DLGAP2: variants seen among roughly 807,000 people sequenced by gnomAD.
DLGAP2 encodes DLG associated protein 2, also known as disks large-associated protein 2.
A neutral mutation model predicts 100.3 loss-of-function variants in DLGAP2; 26 were observed. That is an observed-to-expected ratio of 0.26 (90% CI 0.19 to 0.36). DLGAP2 has a LOEUF of 0.36. DLGAP2 is among the 10% of genes least tolerant of loss of function. DLGAP2 has a pLI of 1.00. For missense variants in DLGAP2, 1,858 were observed against 1,453.2 expected (o/e 1.28, Z -4.53); for synonymous variants, 886 against 630.1 (o/e 1.41, Z -6.08).
At position 1,620,408 on chromosome 8, in the gene DLGAP2, A is replaced by G. The variant is rs184016242; in HGVS notation, c.1443-6332A>G. On this transcript the variant is annotated intron_variant, in intron 6 of 14. Coordinates refer to ENST00000637795, the MANE Select transcript of DLGAP2 (RefSeq NM_001346810.2). ...CTCCTCCACCTTTCTGCTGCGTGAC[A>G]CTCACAGCCCGACGTCTTCCACACT... The G allele has an allele frequency of 1.4e-3, 219 of 152,080 alleles. 3 individuals carry two copies. The highest frequency in any genetic ancestry group is 1.7e-3 in the Non-Finnish European group (118 of 68,100). The allele number at this position is 152,080 out of a possible 1,614,324, so 9.4% of individuals were successfully genotyped here.
chr8:1,150,564 A>T (rs910395845), intron 2 of DLGAP2, among the ~76,000 whole-genome samples: 2 of 152,228 alleles, frequency 1.3e-5, no homozygotes, highest in Admixed American at 6.5e-5. Flanking sequence ...ATTTGTCATC[A>T]TGCCTCATTC....
chr8:1,357,997 A>G (rs1379326409), intron 3 of DLGAP2, among the ~76,000 whole-genome samples: 1 of 152,200 alleles, frequency 6.6e-6, no homozygotes, highest in East Asian at 1.9e-4. Flanking sequence ...GAGCTGTCTC[A>G]GGACTCCTTG....
intron 1 of DLGAP2, among the ~76,000 whole-genome samples, chr8:781,356 T>G (rs1251375847): frequency 6.6e-6 from 1 of 152,228 alleles, no homozygotes; most frequent in Non-Finnish European, 1.5e-5. Flanking sequence ...GAGGTTTGAT[T>G]CCTAAAGCTA....
intron 2 of DLGAP2, among the ~76,000 whole-genome samples, chr8:1,170,721 G>T (rs1306568572): frequency 6.7e-6 from 1 of 149,358 alleles, no homozygotes; most frequent in Non-Finnish European, 1.5e-5. Context: ...TGTGGGATCG[G>T]TGGTGATATC....
At chr8:849,070 A>G (rs1450068298) in intron 1 of DLGAP2, among the ~76,000 whole-genome samples, 2 of 151,746 alleles carry the variant, frequency 1.3e-5, no homozygotes, top group African/African-American at 4.8e-5. Flanking sequence ...TGTCTGTTCC[A>G]GTATAGAATC....
At chr8:883,650 C>T (rs372398792) in intron 1 of DLGAP2, among the ~76,000 whole-genome samples, 3 of 148,216 alleles carry the variant, frequency 2.0e-5, no homozygotes, top group East Asian at 4.1e-4. Flanking sequence ...GGTGCCGCGG[C>T]GGTTCGTTAC....
At chr8:1,218,615 A>C (rs1021026303) in intron 2 of DLGAP2, among the ~76,000 whole-genome samples, 5 of 152,034 alleles carry the variant, frequency 3.3e-5, no homozygotes, top group African/African-American at 1.2e-4. Flanking sequence ...GTGGCTATTC[A>C]GGCTCTTTTT....
At chr8:1,303,669 C>T (rs1800420375) in intron 3 of DLGAP2, among the ~76,000 whole-genome samples, 1 of 152,168 alleles carries the variant, frequency 6.6e-6, no homozygotes, top group African/African-American at 2.4e-5. Context: ...CACTCAGGAG[C>T]CCGCAGGAAG....
intron 2 of DLGAP2, among the ~76,000 whole-genome samples, chr8:980,779 G>C (rs1200458529): frequency 6.6e-6 from 1 of 152,170 alleles, no homozygotes; most frequent in Non-Finnish European, 1.5e-5. Flanking sequence ...GGGCTCGACA[G>C]GTGGCAGCTG....
Position 758,425 on chromosome 8 carries a change from A to G in DLGAP2, c.18+20600A>G, listed in dbSNP as rs912923141. On this transcript the variant is annotated intron_variant, in intron 1 of 14. Transcript: ENST00000637795. ...TATATATTTATAGATATTTTAAATAAAAGTAACATTTGCGTATAGTTTACA... is the reference window on the plus strand; with the variant it reads ...TATATATTTATAGATATTTTAAATAGAAGTAACATTTGCGTATAGTTTACA... Among the ~76,000 whole-genome samples, 109 of 152,326 alleles carry G rather than the reference A, an allele frequency of 7.2e-4. 1 individual carries two copies. The highest frequency in any genetic ancestry group is 2.5e-3 in the African/African-American group (105 of 41,576).
intron 3 of DLGAP2, among the ~76,000 whole-genome samples, chr8:1,364,343 C>G (rs186159819): frequency 6.6e-6 from 1 of 152,166 alleles, no homozygotes; most frequent in South Asian, 2.1e-4. Context: ...AGAATAGGAT[C>G]GTTCTCGTGA....
intron 4 of DLGAP2, among the ~76,000 whole-genome samples, chr8:1,523,421 C>G (rs1190945331): frequency 6.6e-6 from 1 of 152,228 alleles, no homozygotes; most frequent in Non-Finnish European, 1.5e-5. Context: ...GCTGACTTCA[C>G]GCAGCCCCAG....
intron 2 of DLGAP2, among the ~76,000 whole-genome samples, chr8:1,048,685 G>T (rs1488335606): frequency 1.3e-5 from 2 of 151,986 alleles, no homozygotes; most frequent in Admixed American, 6.6e-5. Flanking sequence ...GTTTGAATGA[G>T]AAGAAGATGC....
intron 2 of DLGAP2, among the ~76,000 whole-genome samples, chr8:1,045,391 A>G (rs1303556914): frequency 3.3e-5 from 5 of 152,230 alleles, no homozygotes; most frequent in Admixed American, 6.5e-5. Context: ...TACAAATTGT[A>G]TATGTCTATG....
At chr8:857,579 C>T (rs1241706680) in intron 1 of DLGAP2, among the ~76,000 whole-genome samples, 2 of 152,168 alleles carry the variant, frequency 1.3e-5, no homozygotes, top group Non-Finnish European at 2.9e-5. Flanking sequence ...AAAAGATACT[C>T]CATGTCATGT....
chr8:1,582,993 C>G (rs1209699753), intron 6 of DLGAP2, among the ~76,000 whole-genome samples: 1 of 152,170 alleles, frequency 6.6e-6, no homozygotes, highest in Non-Finnish European at 1.5e-5. Context: ...TTCTTACAGC[C>G]ATGCAGAAAG....
Position 1,518,387 on chromosome 8 carries a change from G to T in DLGAP2, c.172+16956G>T, listed in dbSNP as rs562787139. 1.1e-4 allele frequency among the ~76,000 whole-genome samples: 16 copies of T among 152,286 alleles called. 1 individual carries two copies. The highest frequency in any genetic ancestry group is 6.2e-4 in the South Asian group (3 of 4,822). On this transcript the variant is annotated intron_variant, in intron 4 of 14. Transcript: ENST00000637795. ...TGTGGCTGTGGCAAACCGAGTGGAG[G>T]TTTAAGATGGACTTTTAAATACAAA...
At chr8:1,338,187 A>G (rs911829103) in intron 3 of DLGAP2, among the ~76,000 whole-genome samples, 11 of 152,342 alleles carry the variant, frequency 7.2e-5, no homozygotes, top group Admixed American at 3.3e-4. Context: ...CTAAGCATTC[A>G]TCCCAGAGAA....
intron 1 of DLGAP2, among the ~76,000 whole-genome samples, chr8:785,323 T>A (rs867520454): frequency 3.3e-5 from 5 of 149,300 alleles, no homozygotes; most frequent in African/African-American, 4.9e-5. Flanking sequence ...GATTCCCATG[T>A]GGCTCAGGCT....
Sources: gnomAD v4.1 joint callset for allele counts (sites outside exome capture counted in the v4.1 genomes callset) on GRCh38, gnomAD v4.1.1 for gene constraint, MANE v1.5 for transcripts, NCBI Gene and HGNC (gene_info 2026-07-23, HGNC 2026-07-21) for gene names.